ATP6V1H: variants seen among roughly 807,000 people sequenced by gnomAD.
ATP6V1H encodes the protein ATPase H+ transporting V1 subunit H.
ATP6V1H carries 39 observed loss-of-function variants against 71.7 expected under a neutral mutation model. The observed-to-expected ratio is 0.54, with a 90% confidence interval of 0.42 to 0.71. ATP6V1H has a LOEUF of 0.71. Among genes scored for constraint, ATP6V1H ranks in the 30% least tolerant of loss-of-function variants. The probability of loss-of-function intolerance (pLI) is 0.00; values close to 1 mark genes in which losing one functional copy is unlikely to be tolerated. For missense variants in ATP6V1H, 509 were observed against 594.9 expected, an observed-to-expected ratio of 0.86 and a Z score of 1.50; for synonymous variants, 192 against 199.3, an observed-to-expected ratio of 0.96 and a Z score of 0.31.
rs142446981 is a variant in ATP6V1H, at chr8:53,748,245, C to T, written c.1278-4555G>A. Among the ~76,000 whole-genome samples the T allele has an allele frequency of 5.9e-5, 9 of 152,064 alleles. No homozygotes were observed. The East Asian group carries it at 1.5e-3, about 26-fold the overall frequency. On this transcript the variant is annotated intron_variant, in intron 12 of 13. Transcript: ENST00000359530. ...GGGCAAGACTCAACAAATATTCCTA[C>T]GGATCATGTAAGTGATTAAAATATA... is the stretch of plus-strand genomic sequence containing the variant.
intron 13 of ATP6V1H, among the ~76,000 whole-genome samples, chr8:53,733,833 T>C (rs753471476): frequency 1.4e-4 from 22 of 152,164 alleles, no homozygotes; most frequent in African/African-American, 3.1e-4. Context: ...AAAACTCATG[T>C]CAGCCCCAGC....
chr8:53,763,102 A>T (rs1468547704), intron 11 of ATP6V1H, among the ~76,000 whole-genome samples: 2 of 152,240 alleles, frequency 1.3e-5, no homozygotes, highest in Non-Finnish European at 2.9e-5. Flanking sequence ...CTTCTAGTCA[A>T]CAGGAAGTTA....
At chr8:53,745,480 G>C (rs985823916) in intron 12 of ATP6V1H, among the ~76,000 whole-genome samples, 10 of 152,100 alleles carry the variant, frequency 6.6e-5, no homozygotes, top group African/African-American at 2.4e-4. Context: ...CAGCTTTGGA[G>C]CCCCACTGAG....
chr8:53,739,605 T>C (rs1031868670), intron 13 of ATP6V1H: 3 of 152,248 alleles, frequency 2.0e-5, no homozygotes, highest in Non-Finnish European at 2.9e-5. Flanking sequence ...GCACATATCG[T>C]TGCTTCTGCA....
At chr8:53,735,930 A>G (rs1807187208) in intron 13 of ATP6V1H, among the ~76,000 whole-genome samples, 1 of 152,172 alleles carries the variant, frequency 6.6e-6, no homozygotes, top group African/African-American at 2.4e-5. Flanking sequence ...AGCCAGTAGG[A>G]CTCAGATCAT....
Position 53,754,691 on chromosome 8 carries a change from TC to T in ATP6V1H, c.1277+1863del, listed in dbSNP as rs144248525. 2.6e-5 allele frequency among the ~76,000 whole-genome samples: 4 copies of T among 152,316 alleles called. No homozygotes were observed. In the East Asian group the frequency reaches 7.7e-4, roughly 29 times the overall value. ...GAAGAAGATGAGTTAATGCCTGGCT[TC>T]CATGAAGTATAATACCAGGGTGCTC... On this transcript the variant is annotated intron_variant, in intron 12 of 13. Coordinates refer to ENST00000359530, the MANE Select transcript of ATP6V1H (RefSeq NM_015941.4).
At chr8:53,748,181 G>A (rs762401936) in intron 12 of ATP6V1H, among the ~76,000 whole-genome samples, 1 of 151,934 alleles carries the variant, frequency 6.6e-6, no homozygotes, top group Non-Finnish European at 1.5e-5. Context: ...AAAGTGGTGG[G>A]AGAGACAGCA....
chr8:53,795,560 G>T, intron 9 of ATP6V1H, 87 bp downstream of exon 9: 1 of 1,169,126 alleles, frequency 8.6e-7, no homozygotes, highest in Non-Finnish European at 1.2e-6. Flanking sequence ...AGAAGAACAA[G>T]TAATTTTTTC....
intron 13 of ATP6V1H, among the ~76,000 whole-genome samples, chr8:53,724,827 A>C (rs529726115): frequency 1.3e-5 from 2 of 151,742 alleles, no homozygotes; most frequent in African/African-American, 4.8e-5. Context: ...AACAAAAATA[A>C]CTATCCTTGA....
At chr8:53,799,996 C>T (rs1757822941) in intron 8 of ATP6V1H, among the ~76,000 whole-genome samples, 1 of 152,158 alleles carries the variant, frequency 6.6e-6, no homozygotes, top group Non-Finnish European at 1.5e-5. Context: ...ATTAAGACAC[C>T]TACTTTATTT....
chr8:53,840,030 T>C, intron 2 of ATP6V1H: 1 of 516,990 alleles, frequency 1.9e-6, no homozygotes, highest in Non-Finnish European at 2.5e-6. Context: ...TTGCTCACAT[T>C]ATCTGTTCTA....
At chr8:53,723,738 T>G (rs1284560470) in intron 13 of ATP6V1H, among the ~76,000 whole-genome samples, 1 of 152,198 alleles carries the variant, frequency 6.6e-6, no homozygotes, top group Non-Finnish European at 1.5e-5. Flanking sequence ...AGAACCCTCC[T>G]AGGCCTAAGC....
chr8:53,722,747 G>A (rs540454709), intron 13 of ATP6V1H, among the ~76,000 whole-genome samples: 9 of 152,292 alleles, frequency 5.9e-5, no homozygotes, highest in Admixed American at 3.9e-4. Context: ...AAAGGAAAAT[G>A]TGCTGCAACA....
intron 12 of ATP6V1H, among the ~76,000 whole-genome samples, chr8:53,745,619 G>A (rs1166332135): frequency 2.6e-5 from 4 of 151,612 alleles, no homozygotes; most frequent in East Asian, 3.9e-4. Context: ...CCATAGGCAC[G>A]TAACAGCCCC....
intron 13 of ATP6V1H, among the ~76,000 whole-genome samples, chr8:53,719,091 A>G (rs1436144083): frequency 1.3e-5 from 2 of 152,208 alleles, no homozygotes; most frequent in Non-Finnish European, 2.9e-5. Flanking sequence ...GGCTCCACTG[A>G]AAAGGGTATT....
At chr8:53,765,456 C>CA (rs1445114362) in intron 11 of ATP6V1H, among the ~76,000 whole-genome samples, 241 of 5,842 alleles carry the variant, frequency 0.041, 5 homozygotes, top group Middle Eastern at 0.25. Flanking sequence ...ACAACAACAA[C>CA]ACACACACAC....
chr8:53,797,809 A>T (rs150061650), intron 8 of ATP6V1H, among the ~76,000 whole-genome samples: 1 of 152,100 alleles, frequency 6.6e-6, no homozygotes. Context: ...GGCTAGCCTG[A>T]GCAACATGGC....
intron 7 of ATP6V1H, among the ~76,000 whole-genome samples, chr8:53,808,383 G>T (rs1313156868): frequency 6.6e-6 from 1 of 152,184 alleles, no homozygotes; most frequent in Non-Finnish European, 1.5e-5. Context: ...ACAGTCTAAA[G>T]TAAGTACATA....
rs1423599085 is a variant in ATP6V1H, at chr8:53,715,867, T to C, written c.*97A>G. ...GGGAAAAGCTATATAACAGAGGAAA[T>C]TCCAAGTAAAATCAAACAGTGTTCA... On this transcript the variant is annotated 3_prime_UTR_variant, in exon 14 of 14. Coordinates refer to ENST00000359530, the MANE Select transcript of ATP6V1H (RefSeq NM_015941.4). 9.5e-7 allele frequency: 1 copy of C among 1,048,288 alleles called. No individual in the cohort carries two copies. Among genetic ancestry groups the C allele is most frequent in the Non-Finnish European group, 1.4e-6 (1 of 726,654 alleles). 64.9% of individuals were successfully genotyped at this position (1,048,288 alleles called of 1,614,324 possible).
Sources: allele counts gnomAD v4.1 joint callset (sites outside exome capture counted in the v4.1 genomes callset), GRCh38; gene constraint gnomAD v4.1.1; transcripts MANE v1.5; gene names NCBI Gene and HGNC (gene_info 2026-07-23, HGNC 2026-07-21).